The following PINLYP variants were observed in gnomAD, a reference collection of about 807,000 sequenced individuals.
PINLYP encodes the protein phospholipase A2 inhibitor and LY6/PLAUR domain containing, also known as phospholipase A2 inhibitor and Ly6/PLAUR domain-containing protein.
Under a neutral mutation model 15.8 loss-of-function variants are expected in PINLYP, and 12 were observed. That is an observed-to-expected ratio of 0.76 (90% confidence interval 0.49 to 1.23). The LOEUF (loss-of-function observed/expected upper bound fraction) is 1.23, where lower values mean the gene tolerates loss of function less well. Among genes scored for constraint, PINLYP ranks in the 50% most tolerant of loss-of-function variants. The pLI is 0.00. For synonymous variants in PINLYP, 93 were observed against 97.7 expected (o/e 0.95, Z 0.28); for missense variants, 278 against 264.2 (o/e 1.05, Z -0.36).
chr19:43,581,792 G>A lies in PINLYP; in HGVS notation c.482-76G>A, dbSNP rs1234866414. The A allele has an allele frequency of 2.6e-6, 4 of 1,533,246 alleles. No individual in the cohort carries two copies. In the African/African-American group the frequency reaches 5.5e-5, roughly 21 times the overall value. The allele number at this position is 1,533,246 out of a possible 1,614,324, so 95.0% of individuals were successfully genotyped here. A position where few individuals can be genotyped will look rare whatever the true frequency, so the allele number is the denominator to read the frequency against. On this transcript the variant is annotated intron_variant, in intron 5 of 5. Coordinates refer to ENST00000599207, the Ensembl canonical transcript of PINLYP. ...TGGGAGGAGAGGGTTCCAGAGAAGT[G>A]GGTGAGGATGTGTTCTGGGATTATG...
At chr19:43,580,840 GC>G (rs1055204954) in intron 3 of PINLYP, among the ~76,000 whole-genome samples, 2 of 152,140 alleles carry the variant, frequency 1.3e-5, no homozygotes, top group South Asian at 4.1e-4. Flanking sequence ...AGTGGCTCCC[GC>G]CTGTAATCCC....
intron 3 of PINLYP, among the ~76,000 whole-genome samples, chr19:43,579,621 G>A (rs931400061): frequency 1.3e-5 from 2 of 149,356 alleles, no homozygotes; most frequent in Admixed American, 6.6e-5. Flanking sequence ...AAGGGAGGCC[G>A]GGCACGGTGG....
chr19:43,581,533 A>T, intron 4 of PINLYP, 30 bp from the exon 5 acceptor site: 5 of 1,527,158 alleles, frequency 3.3e-6, no homozygotes, highest in Non-Finnish European at 4.4e-6. Flanking sequence ...AAACATCCCT[A>T]TTCACCTTAC....
At chr19:43,580,801 G>C in intron 3 of PINLYP, 1 of 688,640 alleles carries the variant, frequency 1.5e-6, no homozygotes, top group Non-Finnish European at 1.8e-6. Context: ...TAGGGGGCTT[G>C]AAAGAGACCG....
intron 3 of PINLYP, 39 bp downstream of exon 3, chr19:43,578,745 G>A: frequency 6.8e-7 from 1 of 1,470,770 alleles, no homozygotes; most frequent in Non-Finnish European, 9.2e-7. Context: ...GGGAGGTGGG[G>A]TGTACCTTCA....
rs1391373330 is a variant in PINLYP, at chr19:43,581,233, C to T, written c.209C>T (p.Thr70Ile). The change falls in exon 4 of 6, where the codon ACC (threonine) becomes ATC (isoleucine). Residue 70 changes from threonine (T) to isoleucine (I), a missense_variant. Transcript: ENST00000599207. ...ACAGAGGGCAAGGAGTTGGTGCACA[C>T]CTACAAGGGCTGCATCAGGTCCCAG... The T allele has an allele frequency of 9.1e-6, 14 of 1,537,056 alleles. No individual in the cohort carries two copies. The South Asian group carries it at 1.7e-4, about 18-fold the overall frequency.
rs1411240971 is a variant in PINLYP at position 43,581,514 on chromosome 19, G to A, written c.341-49G>A. 3.3e-6 allele frequency: 5 copies of A among 1,513,374 alleles called. No homozygotes were observed. In the East Asian group the frequency reaches 9.8e-5, roughly 30 times the overall value. 93.7% of individuals were successfully genotyped at this position (1,513,374 alleles called of 1,614,324 possible). ...TCCCGGGGTTGTTGGGAGGTTGGGG[G>A]AACGGCTTAAACATCCCTATTCACC... On this transcript the variant is annotated intron_variant, in intron 4 of 5. Coordinates refer to ENST00000599207, the Ensembl canonical transcript of PINLYP.
At chr19:43,582,045 A>G in exon 6 of PINLYP, 2 of 1,532,560 alleles carry the variant, frequency 1.3e-6, no homozygotes, top group Non-Finnish European at 1.7e-6. Context: ...TGAAGTCCCC[A>G]TTTGTCCTCA....
chr19:43,576,906 T>TA lies in PINLYP; in HGVS notation c.-91_-90insA. 2 of 273,160 alleles carry TA rather than the reference T, an allele frequency of 7.3e-6. No individual in the cohort carries two copies. The highest frequency in any genetic ancestry group is 1.2e-5 in the Non-Finnish European group (2 of 160,594). 16.9% of individuals were successfully genotyped at this position (273,160 alleles called of 1,614,324 possible). On this transcript the variant is annotated 5_prime_UTR_variant, in exon 1 of 6. An upstream start codon of the reference 5' UTR is lost. Transcript: ENST00000599207. The stretch of plus-strand genomic sequence containing the variant: ...CTTCAAGCAAACAAACAAACAACAA[T>TA]GGGCCGTGGGAAGGTGAGAAAACAG...
exon 6 of PINLYP, chr19:43,582,078 A>C: frequency 6.7e-7 from 1 of 1,488,338 alleles, no homozygotes; most frequent in East Asian, 2.5e-5. Context: ...CCGTGTGCCT[A>C]TAAAGAAGTT....
rs1004186581 is a variant in PINLYP at position 43,580,555 on chromosome 19, G to T, written c.188-657G>T. 10 of 983,912 alleles carry T rather than the reference G, an allele frequency of 1.0e-5. No homozygotes were observed. The African/African-American group carries it at 1.8e-4, about 17-fold the overall frequency. 60.9% of individuals were successfully genotyped at this position (983,912 alleles called of 1,614,324 possible). A position where few individuals can be genotyped will look rare whatever the true frequency, so the allele number is the denominator to read the frequency against. On this transcript the variant is annotated intron_variant, in intron 3 of 5. Transcript: ENST00000599207. ...GGCTGGAAGAGACCATTTCACGAAG[G>T]CATGGGGGTGGCCATAGGCGGCCTG...
chr19:43,581,978 A>G (rs1669187806), exon 6 of PINLYP: 1 of 1,536,304 alleles, frequency 6.5e-7, no homozygotes, highest in Non-Finnish European at 8.7e-7. Flanking sequence ...CCTCCATCAT[A>G]TAGAGTGCAC....
exon 4 of PINLYP, chr19:43,581,258 G>A: frequency 6.5e-7 from 1 of 1,537,138 alleles, no homozygotes; most frequent in Non-Finnish European, 8.7e-7. Context: ...TCAGGTCCCA[G>A]GACTGCTACT....
rs1972936530 is a variant in PINLYP at position 43,581,704 on chromosome 19, G to A, written c.481+1G>A. ...TCCTTATCTGGACACGTGCAGGCTG[G>A]TGAGTGGTGCCTGAATCTCTGGAAA... On this transcript the variant is annotated splice_donor_variant, in intron 5 of 5. Coordinates refer to ENST00000599207, the Ensembl canonical transcript of PINLYP. LOFTEE classifies it high-confidence loss of function. The A allele has an allele frequency of 6.5e-7, 1 of 1,536,160 alleles. No homozygotes were observed. The highest frequency in any genetic ancestry group is 1.4e-5 in the African/African-American group (1 of 73,046).
intron 5 of PINLYP, 77 bp from the exon 6 acceptor site, chr19:43,581,791 T>C (rs1035550589): frequency 2.5e-5 from 38 of 1,532,746 alleles, no homozygotes; most frequent in Non-Finnish European, 3.1e-5. Context: ...TCCAGAGAAG[T>C]GGGTGAGGAT....
At chr19:43,576,800 A>G in exon 1 of PINLYP, 1 of 214,238 alleles carries the variant, frequency 4.7e-6, no homozygotes, top group South Asian at 7.6e-5. Context: ...CTTCCTTGGG[A>G]GGAGAGGGGA....
At chr19:43,575,656 G>A (rs1197303904), upstream of PINLYP, 1 of 463,428 alleles carries the variant, frequency 2.2e-6, no homozygotes, top group Non-Finnish European at 3.9e-6. Flanking sequence ...TCCAGAGCGG[G>A]AAGAGCGCTG....
In PINLYP at chr19:43,580,993, C is replaced by T. The variant is rs1242112102; in HGVS notation, c.188-219C>T. The T allele has an allele frequency of 1.2e-5, 6 of 515,862 alleles. No homozygotes were observed. The Admixed American group carries it at 2.2e-4, about 19-fold the overall frequency. The allele number at this position is 515,862 out of a possible 1,614,324, so 32.0% of individuals were successfully genotyped here. On this transcript the variant is annotated intron_variant, in intron 3 of 5. Transcript: ENST00000599207. ...TGGCGGTCGCCTGTGATCGCAGCTA[C>T]TCGGGAGGTGGAGGTTGCAGTGAGC...
intron 3 of PINLYP, among the ~76,000 whole-genome samples, chr19:43,579,309 G>A (rs879930823): frequency 1.2e-4 from 18 of 151,916 alleles, no homozygotes; most frequent in African/African-American, 3.9e-4. Flanking sequence ...GCAATGGCGC[G>A]ATCTCTGCTC....
Sources: gnomAD v4.1 joint callset for allele counts (sites outside exome capture counted in the v4.1 genomes callset) on GRCh38, gnomAD v4.1.1 for gene constraint, MANE v1.5 for transcripts, NCBI Gene and HGNC (gene_info 2026-07-23, HGNC 2026-07-21) for gene names.